Variants in C8orf34 observed in about 807,000 individuals in gnomAD.
C8orf34 encodes the protein chromosome 8 open reading frame 34.
C8orf34 carries 65 observed loss-of-function variants against 68.3 expected under a neutral mutation model. The ratio of observed to expected loss-of-function variants is 0.95; its 90% CI spans 0.78 to 1.17. The LOEUF is 1.17. C8orf34 is among the 50% of genes most tolerant of loss of function. The pLI is 0.00. For synonymous variants in C8orf34, 244 were observed against 241.2 expected (o/e 1.01, Z -0.11); for missense variants, 664 against 655.4 (o/e 1.01, Z -0.14).
rs1306059203 is a variant in C8orf34 at position 68,331,324 on chromosome 8, C to G, written c.312C>G (p.Ile104Met). 7 of 1,536,478 alleles carry G rather than the reference C, an allele frequency of 4.6e-6. No individual in the cohort carries two copies. The highest frequency in any genetic ancestry group is 6.1e-6 in the Non-Finnish European group (7 of 1,146,998). ...AGGCTTACCTGGAGAAGAACAAGAT[C>G]GGTCCCCTGTTTGAGGTAAGGCGCT... ...RIQAYLEKNK[I>M]GPLFEELMTK... is the part of the protein sequence containing the mutation. The change falls in exon 1 of 14, where the codon ATC (isoleucine) becomes ATG (methionine). Residue 104 changes from isoleucine to methionine, a missense_variant. Physicochemically the swap from Ile to Met is conservative, Grantham distance 10. Transcript: ENST00000518698.
chr8:68,485,962 C>G (rs2380461), intron 4 of C8orf34, among the ~76,000 whole-genome samples: 56,707 of 151,500 alleles, frequency 0.37, 11,005 homozygotes, highest in African/African-American at 0.42. Context: ...TGGAAAGGAA[C>G]TTTTTTTGTA....
intron 10 of C8orf34, among the ~76,000 whole-genome samples, chr8:68,763,563 T>TAC (rs1823083434): frequency 6.6e-6 from 1 of 152,202 alleles, no homozygotes; most frequent in African/African-American, 2.4e-5. Context: ...TTCATATTCA[T>TAC]ACTCAATTTC....
At chr8:68,750,758 T>C (rs942529137) in intron 10 of C8orf34, among the ~76,000 whole-genome samples, 3 of 152,174 alleles carry the variant, frequency 2.0e-5, no homozygotes, top group South Asian at 2.1e-4. Flanking sequence ...TTAGAATCAA[T>C]TAGTCATCCT....
At chr8:68,601,181 T>C (rs1204226843) in intron 7 of C8orf34, among the ~76,000 whole-genome samples, 1 of 152,174 alleles carries the variant, frequency 6.6e-6, no homozygotes, top group Admixed American at 6.5e-5. Context: ...GTGCTTTCAA[T>C]ACTTTTTTTT....
intron 8 of C8orf34, among the ~76,000 whole-genome samples, chr8:68,676,329 C>T (rs1204821019): frequency 4.0e-5 from 6 of 151,364 alleles, no homozygotes; most frequent in African/African-American, 1.2e-4. Context: ...GTGAGACCCT[C>T]TCCAAAAAGA....
At chr8:68,800,570 A>G (rs778779941) in intron 12 of C8orf34, among the ~76,000 whole-genome samples, 3 of 152,220 alleles carry the variant, frequency 2.0e-5, no homozygotes, top group Non-Finnish European at 4.4e-5. Context: ...AAACTTGATT[A>G]ATTTTCAGAG....
intron 3 of C8orf34, among the ~76,000 whole-genome samples, chr8:68,451,064 C>T (rs925324319): frequency 2.0e-5 from 3 of 152,124 alleles, no homozygotes; most frequent in Non-Finnish European, 4.4e-5. Flanking sequence ...TTTCCATCAG[C>T]ACTTGCTACT....
intron 8 of C8orf34, among the ~76,000 whole-genome samples, chr8:68,665,879 T>C (rs1248583742): frequency 6.6e-6 from 1 of 152,212 alleles, no homozygotes; most frequent in Non-Finnish European, 1.5e-5. Flanking sequence ...ACTAGCTCCA[T>C]GAGGTCAGGG....
At chr8:68,719,100 T>C (rs1821558447) in intron 9 of C8orf34, among the ~76,000 whole-genome samples, 1 of 152,142 alleles carries the variant, frequency 6.6e-6, no homozygotes, top group Admixed American at 6.5e-5. Flanking sequence ...GTGATGTACT[T>C]AGAACACATA....
chr8:68,603,521 ATATCTATCTATCTATCTATCTATCTATC>A (rs10542466), intron 7 of C8orf34, among the ~76,000 whole-genome samples: 2 of 140,492 alleles, frequency 1.4e-5, no homozygotes, highest in African/African-American at 2.8e-5. Flanking sequence ...ATATATACAT[ATATCTATCTATCTATCTATCTATCTATC>A]TATCTATCTA....
intron 7 of C8orf34, among the ~76,000 whole-genome samples, chr8:68,567,575 ATCTT>A (rs1816629649): frequency 3.0e-5 from 1 of 33,044 alleles, no homozygotes; most frequent in African/African-American, 1.1e-4. Flanking sequence ...TGTTTCATTT[ATCTT>A]TTTTTTTTTT....
At chr8:68,368,656 C>G (rs975924568) in intron 1 of C8orf34, among the ~76,000 whole-genome samples, 2 of 152,062 alleles carry the variant, frequency 1.3e-5, no homozygotes, top group African/African-American at 4.8e-5. Context: ...TTGGCTAAAA[C>G]TTTTAATTAA....
intron 9 of C8orf34, among the ~76,000 whole-genome samples, chr8:68,716,295 T>C (rs1302415631): frequency 6.6e-6 from 1 of 151,370 alleles, no homozygotes; most frequent in Non-Finnish European, 1.5e-5. Context: ...CACCACCTTT[T>C]CCCCAAAAAC....
intron 5 of C8orf34, among the ~76,000 whole-genome samples, chr8:68,498,684 A>G (rs1813635620): frequency 6.6e-6 from 1 of 152,224 alleles, no homozygotes; most frequent in African/African-American, 2.4e-5. Context: ...AGAAATATAT[A>G]TAATGTAAGG....
intron 6 of C8orf34, among the ~76,000 whole-genome samples, chr8:68,530,260 A>G (rs1199026563): frequency 6.6e-6 from 1 of 152,104 alleles, no homozygotes; most frequent in East Asian, 1.9e-4. Flanking sequence ...AGTAAGCTGC[A>G]TTATGGATAA....
chr8:68,358,586 CTT>C (rs1317181773), intron 1 of C8orf34, among the ~76,000 whole-genome samples: 1 of 152,042 alleles, frequency 6.6e-6, no homozygotes, highest in Non-Finnish European at 1.5e-5. Flanking sequence ...AAGAACAGGA[CTT>C]TGCCAGCTTT....
At position 68,761,066 on chromosome 8, in the gene C8orf34, A is replaced by G. The variant is rs1027623456; in HGVS notation, c.1405-15333A>G. On this transcript the variant is annotated intron_variant, in intron 10 of 13. Transcript: ENST00000518698. Reference sequence around the variant, plus strand: ...TATAGCCGGTACTGGATAAAGGCCAATTTCCTTACCTTGATTCAGATGATG... The same window carrying G: ...TATAGCCGGTACTGGATAAAGGCCAGTTTCCTTACCTTGATTCAGATGATG... Among the ~76,000 whole-genome samples, 8 of 152,220 alleles carry G rather than the reference A, an allele frequency of 5.3e-5. No individual in the cohort carries two copies. In the South Asian group the frequency reaches 1.7e-3, roughly 32 times the overall value.
At chr8:68,755,938 G>A (rs914665240) in intron 10 of C8orf34, among the ~76,000 whole-genome samples, 24 of 151,956 alleles carry the variant, frequency 1.6e-4, no homozygotes, top group Admixed American at 3.3e-4. Context: ...GTGATGGCGG[G>A]CGCCTGTAGT....
rs568800868 is a variant in C8orf34, at chr8:68,507,896, A to G, written c.766-13903A>G. 1.3e-4 allele frequency among the ~76,000 whole-genome samples: 20 copies of G among 152,290 alleles called. No individual in the cohort carries two copies. The South Asian group carries it at 1.7e-3, about 13-fold the overall frequency. ...AGACAAGCCTATTTTTCTAGATTTA[A>G]TTACTGGTAGTTTAGGTGTTGTGAA... On this transcript the variant is annotated intron_variant, in intron 5 of 13. Transcript: ENST00000518698.
Sources: allele counts gnomAD v4.1 joint callset (sites outside exome capture counted in the v4.1 genomes callset), GRCh38; gene constraint gnomAD v4.1.1; transcripts MANE v1.5; gene names NCBI Gene and HGNC (gene_info 2026-07-23, HGNC 2026-07-21).